TNFRSF8: variants seen among roughly 807,000 people sequenced by gnomAD.
TNFRSF8 encodes TNF receptor superfamily member 8.
In TNFRSF8, 26 loss-of-function variants were observed where a neutral mutation model predicts 70.8. The observed-to-expected ratio is 0.37, with a 90% CI of 0.27 to 0.51. TNFRSF8 has a LOEUF of 0.51. Ranked by LOEUF, TNFRSF8 falls within the 20% of genes least tolerant of loss-of-function variation. The pLI is 0.94. For missense variants in TNFRSF8, 720 were observed against 807.9 expected, an observed-to-expected ratio of 0.89 and a Z score of 1.32; for synonymous variants, 356 against 339.2, an observed-to-expected ratio of 1.05 and a Z score of -0.54.
chr1:12,088,794 C>T lies in TNFRSF8; in HGVS notation c.151+4243C>T, dbSNP rs1641197301. On this transcript the variant is annotated intron_variant, in intron 2 of 14. Transcript: ENST00000263932. This position sits in a 1 kb window ranked among gnomAD's most constrained non-coding sequence, Gnocchi z 4.0. ...GGAGGAGGAGGGGGTTTGTGGGTTC[C>T]CCCAGCTTCCGCTGCCCTTGGGTAA... Among the ~76,000 whole-genome samples the T allele has an allele frequency of 6.6e-6, 1 of 152,218 alleles. No homozygotes were observed. The highest frequency in any genetic ancestry group is 2.4e-5 in the African/African-American group (1 of 41,454).
intron 3 of TNFRSF8, among the ~76,000 whole-genome samples, chr1:12,098,584 A>G (rs1360939139): frequency 6.6e-6 from 1 of 152,208 alleles, no homozygotes; most frequent in Non-Finnish European, 1.5e-5. Context: ...AATTTTAGTC[A>G]AAAGTATCAG....
intron 8 of TNFRSF8, among the ~76,000 whole-genome samples, chr1:12,117,273 G>A (rs1394859703): frequency 6.6e-6 from 1 of 152,030 alleles, no homozygotes; most frequent in Non-Finnish European, 1.5e-5. Context: ...AGTAGAGACG[G>A]GGTTTTGCCA....
rs1641680863 is a variant in TNFRSF8, at chr1:12,113,993, C to G, written c.794-1584C>G. On this transcript the variant is annotated intron_variant, in intron 7 of 14. Coordinates refer to ENST00000263932, the MANE Select transcript of TNFRSF8 (RefSeq NM_001243.5). The surrounding 1 kb of genome is among the most constrained non-coding windows in gnomAD (Gnocchi z 4.9). ...CATGTTTTGGGGAAATACAGTCTGC[C>G]ACAACCACCATGTGGACATATGGAG... Among the ~76,000 whole-genome samples the G allele has an allele frequency of 6.6e-6, 1 of 152,200 alleles. No individual in the cohort carries two copies. The highest frequency in any genetic ancestry group is 2.1e-4 in the South Asian group (1 of 4,832).
chr1:12,097,656 G>GT (rs1641352593), intron 3 of TNFRSF8, among the ~76,000 whole-genome samples: 1 of 151,834 alleles, frequency 6.6e-6, no homozygotes, highest in Non-Finnish European at 1.5e-5. Context: ...CAGGAAAACT[G>GT]TTTCAGTATG....
chr1:12,097,944 T>A (rs1641359111), intron 3 of TNFRSF8, among the ~76,000 whole-genome samples: 1 of 152,240 alleles, frequency 6.6e-6, no homozygotes, highest in South Asian at 2.1e-4. Context: ...CCTTATTTAC[T>A]TTTATCACCT....
At chr1:12,089,243 C>T (rs1277323701) in intron 2 of TNFRSF8, among the ~76,000 whole-genome samples, 1 of 152,066 alleles carries the variant, frequency 6.6e-6, no homozygotes, top group East Asian at 1.9e-4. Context: ...CATGACTTGT[C>T]TATCGTCTTC....
At chr1:12,125,910 T>C (rs1383550131) in intron 10 of TNFRSF8, 41 bp from the exon 11 acceptor site, 1 of 1,546,516 alleles carries the variant, frequency 6.5e-7, no homozygotes, top group Non-Finnish European at 8.9e-7. Context: ...TCTTGTGTGG[T>C]TGCAGCAAGG....
chr1:12,124,214 G>T (rs1641889152), intron 10 of TNFRSF8, among the ~76,000 whole-genome samples: 1 of 151,822 alleles, frequency 6.6e-6, no homozygotes, highest in African/African-American at 2.4e-5. Flanking sequence ...TTGCCATGTT[G>T]TCCAGGTTGG....
At chr1:12,080,661 G>C (rs1311269588) in intron 1 of TNFRSF8, 2 of 246,560 alleles carry the variant, frequency 8.1e-6, no homozygotes, top group Non-Finnish European at 1.6e-5. Context: ...AGATTCAAGC[G>C]ATTCTCATGC....
At chr1:12,100,164 A>G (rs1476267969) in intron 3 of TNFRSF8, among the ~76,000 whole-genome samples, 4 of 151,932 alleles carry the variant, frequency 2.6e-5, no homozygotes, top group Admixed American at 6.6e-5. Context: ...GTGAGACACC[A>G]TCTAAAAAAA....
intron 2 of TNFRSF8, 96 bp downstream of exon 2, chr1:12,084,647 C>A: frequency 1.7e-6 from 2 of 1,151,034 alleles, no homozygotes; most frequent in African/African-American, 1.5e-5. Flanking sequence ...TTGGAGCCAA[C>A]CGTCATCGTC....
At position 12,110,269 on chromosome 1, in the gene TNFRSF8, T is replaced by A; in HGVS notation, c.676+65T>A. 1 of 1,469,966 alleles carries A rather than the reference T, an allele frequency of 6.8e-7. No individual in the cohort carries two copies. The highest frequency in any genetic ancestry group is 9.1e-7 in the Non-Finnish European group (1 of 1,101,210). The allele number at this position is 1,469,966 out of a possible 1,614,324, so 91.1% of individuals were successfully genotyped here. On this transcript the variant is annotated intron_variant, in intron 6 of 14. Transcript: ENST00000263932. This position sits in a 1 kb window ranked among gnomAD's most constrained non-coding sequence, Gnocchi z 4.0. ...GCTCGATTGGTGGATGGCCCATGAG[T>A]GGGGGTGTTTGGAGCAGGCGGGCAG...
chr1:12,140,721 C>T (rs1642236421), intron 14 of TNFRSF8, among the ~76,000 whole-genome samples: 2 of 152,206 alleles, frequency 1.3e-5, no homozygotes, highest in African/African-American at 4.8e-5. Context: ...GGACTCCTGC[C>T]CATTTCCCTG....
intron 1 of TNFRSF8, among the ~76,000 whole-genome samples, chr1:12,071,599 CCT>C (rs1313080436): frequency 6.6e-6 from 1 of 151,780 alleles, no homozygotes; most frequent in African/African-American, 2.4e-5. Context: ...CCTCACATTT[CCT>C]CTCTCTCTTT....
At chr1:12,120,153 A>T (rs1049770356) in intron 8 of TNFRSF8, among the ~76,000 whole-genome samples, 1 of 152,188 alleles carries the variant, frequency 6.6e-6, no homozygotes, top group Non-Finnish European at 1.5e-5. Context: ...TTCTTCCTAT[A>T]TCCTCTCCTA....
chr1:12,116,594 A>T (rs543875585), intron 8 of TNFRSF8, among the ~76,000 whole-genome samples: 17 of 152,160 alleles, frequency 1.1e-4, no homozygotes, highest in African/African-American at 4.1e-4. Context: ...TGAGGTCAGG[A>T]GTTCAAGACC....
intron 2 of TNFRSF8, among the ~76,000 whole-genome samples, chr1:12,084,988 GAAT>G (rs1557579718): frequency 2.0e-5 from 3 of 152,204 alleles, no homozygotes; most frequent in Admixed American, 2.0e-4. Flanking sequence ...GGAAATGGTG[GAAT>G]GATCAGGGCT....
chr1:12,116,169 T>C (rs942134053), intron 8 of TNFRSF8, among the ~76,000 whole-genome samples: 1 of 151,976 alleles, frequency 6.6e-6, no homozygotes, highest in Admixed American at 6.6e-5. Context: ...TTAGAAGAGA[T>C]GCGGTTTCTC....
rs180681833 is a variant in TNFRSF8 at position 12,116,491 on chromosome 1, G to C, written c.946+762G>C. 4.9e-3 allele frequency among the ~76,000 whole-genome samples: 750 copies of C among 152,206 alleles called. 8 individuals carry two copies. Among genetic ancestry groups the C allele is most frequent in the South Asian group, 0.012 (60 of 4,826 alleles). ...ATCTCCAGGTGGTTTAAAACAGATG[G>C]AAGAGTGGTGACAAAACCAAGGGGA... is the stretch of plus-strand genomic sequence containing the variant. On this transcript the variant is annotated intron_variant, in intron 8 of 14. Coordinates refer to ENST00000263932, the MANE Select transcript of TNFRSF8 (RefSeq NM_001243.5).
Sources: gnomAD v4.1 joint callset for allele counts (sites outside exome capture counted in the v4.1 genomes callset) on GRCh38, gnomAD v4.1.1 for gene constraint, Gnocchi (gnomAD v3.1) non-coding constraint, MANE v1.5 for transcripts, NCBI Gene and HGNC (gene_info 2026-07-23, HGNC 2026-07-21) for gene names.